LOC128462377: variants seen among roughly 807,000 people sequenced by gnomAD.
chr16:89,384,158 T>G, the LOC128462377 span, among the ~76,000 whole-genome samples: 61 of 151,404 alleles, frequency 4.0e-4, no homozygotes, highest in African/African-American at 1.4e-3. Flanking sequence ...AAGGTGGAGG[T>G]TGCAGTGAGC....
the LOC128462377 span, chr16:89,317,151 C>T: frequency 1.0e-6 from 1 of 1,004,272 alleles, no homozygotes; most frequent in East Asian, 2.6e-5. Flanking sequence ...ACACCGCACT[C>T]AACAGACTCA....
At chr16:89,377,781 C>T in the LOC128462377 span, among the ~76,000 whole-genome samples, 1 of 152,098 alleles carries the variant, frequency 6.6e-6, no homozygotes, top group African/African-American at 2.4e-5. Flanking sequence ...CATACAGGAA[C>T]ATTTCTAGAG....
the LOC128462377 span, among the ~76,000 whole-genome samples, chr16:89,410,310 G>T: frequency 6.6e-6 from 1 of 152,078 alleles, no homozygotes. Flanking sequence ...AAGCCACCAG[G>T]ATTTGATATT....
the LOC128462377 span, among the ~76,000 whole-genome samples, chr16:89,345,166 A>T: frequency 6.6e-6 from 1 of 152,304 alleles, no homozygotes; most frequent in Admixed American, 6.5e-5. Context: ...CTCCCAACAT[A>T]ACCACAAAAA....
At chr16:89,357,741 A>C in the LOC128462377 span, among the ~76,000 whole-genome samples, 1 of 152,224 alleles carries the variant, frequency 6.6e-6, no homozygotes, top group East Asian at 1.9e-4. Context: ...AGGGACAAAC[A>C]GCAGCTGCAC....
the LOC128462377 span, among the ~76,000 whole-genome samples, chr16:89,393,717 G>A: frequency 1.3e-5 from 2 of 152,004 alleles, no homozygotes; most frequent in East Asian, 1.9e-4. Flanking sequence ...CAGCCGGGCC[G>A]ATGGAAACAT....
chr16:89,361,323 G>T, the LOC128462377 span, among the ~76,000 whole-genome samples: 1 of 152,196 alleles, frequency 6.6e-6, no homozygotes, highest in African/African-American at 2.4e-5. Flanking sequence ...CCATCACAGC[G>T]CCGGGGGCGG....
chr16:89,336,193 T>C, the LOC128462377 span, among the ~76,000 whole-genome samples: 2 of 152,240 alleles, frequency 1.3e-5, no homozygotes, highest in East Asian at 3.9e-4. Context: ...TCAGAGCCAC[T>C]GTCCTTGTGG....
chr16:89,384,538 C>CTGGGT, the LOC128462377 span, among the ~76,000 whole-genome samples: 1 of 148,336 alleles, frequency 6.7e-6, no homozygotes, highest in Admixed American at 6.7e-5. Context: ...TGGGATGGGA[C>CTGGGT]TGGGATGGGA....
chr16:89,342,424 G>A, the LOC128462377 span, among the ~76,000 whole-genome samples: 2 of 152,228 alleles, frequency 1.3e-5, no homozygotes, highest in Non-Finnish European at 2.9e-5. Flanking sequence ...GGATAAACCA[G>A]CAATACTCTG....
the LOC128462377 span, among the ~76,000 whole-genome samples, chr16:89,344,494 A>AC: frequency 2.4e-4 from 37 of 152,176 alleles, 1 homozygote; most frequent in African/African-American, 8.7e-4. Context: ...CACAGATTTT[A>AC]CCCTCTTGAG....
At chr16:89,342,372 C>T in the LOC128462377 span, among the ~76,000 whole-genome samples, 1 of 152,226 alleles carries the variant, frequency 6.6e-6, no homozygotes, top group Non-Finnish European at 1.5e-5. Flanking sequence ...ACGTTGAACT[C>T]CCCAGAGATG....
the LOC128462377 span, among the ~76,000 whole-genome samples, chr16:89,369,975 G>A: frequency 7.2e-5 from 11 of 152,188 alleles, no homozygotes; most frequent in Non-Finnish European, 1.3e-4. Context: ...GCTGCAGGAT[G>A]GAAGCTCAGA....
chr16:89,337,006 CCAAAAAA>C, the LOC128462377 span, among the ~76,000 whole-genome samples: 4 of 39,720 alleles, frequency 1.0e-4, no homozygotes, highest in Admixed American at 3.6e-4. Flanking sequence ...CCTGGCTCTA[CCAAAAAA>C]AAAAAAAAAA....
the LOC128462377 span, among the ~76,000 whole-genome samples, chr16:89,375,759 T>C: frequency 8.5e-6 from 1 of 117,058 alleles, no homozygotes; most frequent in African/African-American, 3.3e-5. Context: ...CCCAGCCGAC[T>C]CCGTCTCTTA....
chr16:89,384,908 G>C, the LOC128462377 span, among the ~76,000 whole-genome samples: 1 of 19,830 alleles, frequency 5.0e-5, no homozygotes. Context: ...TTTTTTTTTT[G>C]AGACTACGTT....
At chr16:89,350,360 G>T in the LOC128462377 span, among the ~76,000 whole-genome samples, 30 of 152,240 alleles carry the variant, frequency 2.0e-4, no homozygotes, top group African/African-American at 7.2e-4. Context: ...CTGATGCTTT[G>T]CATGCAACTA....
the LOC128462377 span, among the ~76,000 whole-genome samples, chr16:89,341,845 G>A: frequency 6.7e-6 from 1 of 150,354 alleles, no homozygotes; most frequent in African/African-American, 2.5e-5. Flanking sequence ...CACGGCGGGA[G>A]TGCTGCACCT....
the LOC128462377 span, among the ~76,000 whole-genome samples, chr16:89,366,566 A>G: frequency 6.6e-6 from 1 of 152,190 alleles, no homozygotes; most frequent in Non-Finnish European, 1.5e-5. Context: ...CCCAGTTTTC[A>G]CGATCAGCTG....
Sources: allele counts gnomAD v4.1 joint callset (sites outside exome capture counted in the v4.1 genomes callset), GRCh38; gene constraint gnomAD v4.1.1; transcripts MANE v1.5.